PRDM8: variants seen among roughly 807,000 people sequenced by gnomAD.
The protein encoded by PRDM8 is PR domain zinc finger protein 8.
In PRDM8, 13 loss-of-function variants were observed where a neutral mutation model predicts 46.5. The observed-to-expected ratio is 0.28, with a 90% CI of 0.18 to 0.44. The LOEUF is 0.44. Ranked by LOEUF, PRDM8 falls within the 20% of genes least tolerant of loss-of-function variation. The probability of loss-of-function intolerance (pLI) is 1.00; values close to 1 mark genes in which losing one functional copy is unlikely to be tolerated. For missense variants in PRDM8, 998 were observed against 955.0 expected (o/e 1.04, Z -0.59); for synonymous variants, 473 against 438.4 (o/e 1.08, Z -0.98).
At chr4:80,197,404 C>A, upstream of PRDM8, 1 of 981,400 alleles carries the variant, frequency 1.0e-6, no homozygotes. Flanking sequence ...GAGGGAGCGC[C>A]TGGCCCAGCA....
upstream of PRDM8, chr4:80,196,362 T>A (rs527374031): frequency 1.0e-6 from 1 of 985,356 alleles, no homozygotes; most frequent in African/African-American, 1.7e-5. Context: ...GAGTAGAGAA[T>A]TGAACTGTGA....
rs927574222 is a variant in PRDM8 at position 80,197,619 on chromosome 4, C to G, written c.-147C>G. The G allele has an allele frequency of 1.0e-6, 1 of 975,210 alleles. No homozygotes were observed. Among genetic ancestry groups the G allele is most frequent in the African/African-American group, 1.8e-5 (1 of 55,970 alleles). The allele number at this position is 975,210 out of a possible 1,614,324, so 60.4% of individuals were successfully genotyped here. On this transcript the variant is annotated 5_prime_UTR_variant, in exon 1 of 4. Transcript: ENST00000415738. ...CCATCTCTCCATCTCTCTCTTATCT[C>G]TTCAGGAAGAGCCTAAAAGGCGGCA...
intron 1 of PRDM8, among the ~76,000 whole-genome samples, chr4:80,188,226 C>T (rs1391050363): frequency 1.3e-5 from 2 of 152,188 alleles, no homozygotes; most frequent in Admixed American, 1.3e-4. Flanking sequence ...ATTTACCCAG[C>T]ATTCCAAAGC....
At chr4:80,188,115 C>CCAGT (rs1737264503) in intron 1 of PRDM8, among the ~76,000 whole-genome samples, 3 of 152,196 alleles carry the variant, frequency 2.0e-5, no homozygotes, top group Admixed American at 6.5e-5. Context: ...TTCCAACTCT[C>CCAGT]CAGTCACTAC....
At chr4:80,200,380 T>G in intron 2 of PRDM8, 81 bp downstream of exon 2, 1 of 1,284,716 alleles carries the variant, frequency 7.8e-7, no homozygotes, top group Non-Finnish European at 1.1e-6. Context: ...TAATGACAAG[T>G]GGAGATAGGT....
At chr4:80,188,884 G>C (rs1229635455) in intron 1 of PRDM8, among the ~76,000 whole-genome samples, 3 of 152,266 alleles carry the variant, frequency 2.0e-5, no homozygotes, top group Non-Finnish European at 4.4e-5. Context: ...CTCGAAGCCA[G>C]CGTGCGGGCG....
Position 80,202,167 on chromosome 4 carries a change from C to T in PRDM8, c.705C>T (p.His235=). Residue 235 remains histidine, a synonymous_variant, in exon 4 of 4, where the codon CAC becomes CAT. Coordinates refer to ENST00000415738, the MANE Select transcript of PRDM8 (RefSeq NM_001099403.2). ...TTTGCAAAGCCGGCCCCCTCCACCA[C>T]TACCCATCCCCCTCCCCGGAAAGCA... ...PKFCKAGPLH[H]YPSPSPESSN... is the part of the protein sequence containing the mutation. The T allele has an allele frequency of 1.2e-6, 2 of 1,610,716 alleles. No homozygotes were observed. Among genetic ancestry groups the T allele is most frequent in the South Asian group, 1.1e-5 (1 of 90,986 alleles).
In PRDM8 at chr4:80,202,612, A is replaced by G; in HGVS notation, c.1150A>G (p.Ser384Gly). The G allele has an allele frequency of 6.5e-7, 1 of 1,531,746 alleles. No individual in the cohort carries two copies. The highest frequency in any genetic ancestry group is 8.7e-7 in the Non-Finnish European group (1 of 1,145,258). 94.9% of individuals were successfully genotyped at this position (1,531,746 alleles called of 1,614,324 possible). Residue 384 changes from serine (S) to glycine (G), a missense_variant, in exon 4 of 4, where the codon AGC (serine) becomes GGC (glycine). By Grantham distance (56) the Ser-to-Gly change is moderately conservative (BLOSUM62 0). Coordinates refer to ENST00000415738, the MANE Select transcript of PRDM8 (RefSeq NM_001099403.2). ...PSPETGEAKR[S>G]AFVEVKKAAR... The stretch of plus-strand genomic sequence containing the variant: ...TCCCGAGACGGGCGAGGCGAAGCGC[A>G]GCGCCTTCGTGGAGGTGAAGAAGGC...
At chr4:80,196,680 C>T, upstream of PRDM8, 1 of 952,860 alleles carries the variant, frequency 1.0e-6, no homozygotes. Flanking sequence ...TTATAGACTC[C>T]CTCTGGGGCT....
intron 2 of PRDM8, among the ~76,000 whole-genome samples, chr4:80,201,068 A>G (rs1319816825): frequency 6.6e-6 from 1 of 152,244 alleles, no homozygotes; most frequent in Non-Finnish European, 1.5e-5. Flanking sequence ...TAAATAAACT[A>G]TATGATTGAT....
chr4:80,186,714 T>A (rs1737120317), intron 1 of PRDM8, among the ~76,000 whole-genome samples: 1 of 152,108 alleles, frequency 6.6e-6, no homozygotes, highest in South Asian at 2.1e-4. Flanking sequence ...CCCTTTTATC[T>A]GGGGACCCCT....
In PRDM8 at chr4:80,202,259, G is replaced by C. The variant is rs1247562705; in HGVS notation, c.797G>C (p.Arg266Thr). 2 of 1,611,006 alleles carry C rather than the reference G, an allele frequency of 1.2e-6. No individual in the cohort carries two copies. The highest frequency in any genetic ancestry group is 1.7e-6 in the Non-Finnish European group (2 of 1,179,458). Residue 266 changes from arginine (R) to threonine (T), a missense_variant, in exon 4 of 4, where the codon AGG becomes ACG. Arg to Thr is a moderately conservative substitution (Grantham distance 71, BLOSUM62 -1). Transcript: ENST00000415738. ...KPSTDFHNLA[R>T]ELENSRGGSS... ...TCCACAGACTTCCACAACCTGGCCA[G>C]GGAGCTGGAAAACTCCCGGGGAGGC...
Position 80,202,588 on chromosome 4 carries a change from C to G in PRDM8, c.1126C>G (p.Pro376Ala). ...CGGCCGCCTCTTCGCGCCGCCAAGT[C>G]CCGAGACGGGCGAGGCGAAGCGCAG... ...ENGRLFAPPSPETGEAKRSAF... is the reference protein window; with the variant it reads ...ENGRLFAPPSAETGEAKRSAF... Residue 376 changes from proline to alanine, a missense_variant, in exon 4 of 4, where the codon CCC (proline) becomes GCC (alanine). Transcript: ENST00000415738. 6.5e-7 allele frequency: 1 copy of G among 1,533,648 alleles called. No individual in the cohort carries two copies. The highest frequency in any genetic ancestry group is 8.7e-7 in the Non-Finnish European group (1 of 1,146,020).
chr4:80,193,218 GCCAGCCTGGAAAA>G (rs1283405017), upstream of PRDM8, among the ~76,000 whole-genome samples: 1 of 152,108 alleles, frequency 6.6e-6, no homozygotes, highest in East Asian at 1.9e-4. Flanking sequence ...CTTTCCCAGG[GCCAGCCTGGAAAA>G]CATTTGCTCA....
chr4:80,201,317 TCAGAA>T lies in PRDM8; in HGVS notation c.248_252del (p.Ser83TrpfsTer14). 6.2e-7 allele frequency: 1 copy of T among 1,614,230 alleles called. No individual in the cohort carries two copies. Among genetic ancestry groups the T allele is most frequent in the Non-Finnish European group, 8.5e-7 (1 of 1,180,036 alleles). Reference sequence around the variant, plus strand: ...AGACACCTCAGCAGCAAATGGTTCCTCAGAAGGTCTCATGTGGCTGCGGTTGGTCC... The same window carrying T: ...AGACACCTCAGCAGCAAATGGTTCCTGGTCTCATGTGGCTGCGGTTGGTCC... On this transcript the variant is annotated frameshift_variant, in exon 3 of 4. Coordinates refer to ENST00000415738, the MANE Select transcript of PRDM8 (RefSeq NM_001099403.2). LOFTEE classifies it high-confidence loss of function.
rs755423874 is a variant in PRDM8 at position 80,203,278 on chromosome 4, C to T, written c.1816C>T (p.Pro606Ser). 28 of 1,595,584 alleles carry T rather than the reference C, an allele frequency of 1.8e-5. No homozygotes were observed. The South Asian group carries it at 3.0e-4, about 17-fold the overall frequency. The change falls in exon 4 of 4, where the codon CCC becomes TCC. Residue 606 changes from proline (P) to serine (S), a missense_variant. Pro to Ser is a moderately conservative substitution (Grantham distance 74). Transcript: ENST00000415738. ...AAAGPLQLQL[P>S]SALTLLPPSF... ...CGCGGGGCCCTTGCAGCTGCAGCTG[C>T]CCTCGGCGCTCACGCTGCTGCCGCC...
At chr4:80,193,407 T>C (rs1737700381), upstream of PRDM8, among the ~76,000 whole-genome samples, 1 of 152,118 alleles carries the variant, frequency 6.6e-6, no homozygotes, top group Admixed American at 6.5e-5. Flanking sequence ...CACCAAAATG[T>C]AAAACAAACA....
chr4:80,193,191 C>T (rs1410460065), upstream of PRDM8, among the ~76,000 whole-genome samples: 1 of 152,158 alleles, frequency 6.6e-6, no homozygotes, highest in Admixed American at 6.5e-5. Context: ...CAAAATTACC[C>T]AACCCTGAGT....
rs921129482 is a variant in PRDM8 at position 80,199,491 on chromosome 4, C to A, written c.-2-588C>A. Among the ~76,000 whole-genome samples, 9 of 152,098 alleles carry A rather than the reference C, an allele frequency of 5.9e-5. No homozygotes were observed. In the East Asian group the frequency reaches 1.7e-3, roughly 29 times the overall value. On this transcript the variant is annotated intron_variant, in intron 1 of 3. Coordinates refer to ENST00000415738, the MANE Select transcript of PRDM8 (RefSeq NM_001099403.2). ...GGTTAGCTGACACAGAATTAGTGGCCCTGACATTCCACTTGAAATCCATTC... is the reference window on the plus strand; with the variant it reads ...GGTTAGCTGACACAGAATTAGTGGCACTGACATTCCACTTGAAATCCATTC...
Sources: gnomAD v4.1 joint callset for allele counts (sites outside exome capture counted in the v4.1 genomes callset) on GRCh38, gnomAD v4.1.1 for gene constraint, MANE v1.5 for transcripts, NCBI Gene and HGNC (gene_info 2026-07-23, HGNC 2026-07-21) for gene names.